Variants in ALK observed in about 807,000 individuals in gnomAD.
ALK encodes the protein ALK tyrosine kinase receptor.
ALK carries 74 observed loss-of-function variants against 163.1 expected under a neutral mutation model. The ratio of observed to expected loss-of-function variants is 0.45; its 90% confidence interval spans 0.38 to 0.55. ALK has a LOEUF of 0.55. Among genes scored for constraint, ALK ranks in the 20% least tolerant of loss-of-function variants. The pLI, the probability that ALK is intolerant of heterozygous loss-of-function variation, is 0.00. For synonymous variants in ALK, 960 were observed against 843.2 expected, an observed-to-expected ratio of 1.14 and a Z score of -2.40; for missense variants, 2,063 against 2,105.3, an observed-to-expected ratio of 0.98 and a Z score of 0.39.
rs1423474094 is a variant in ALK at position 29,193,356 on chromosome 2, G to A, written c.4731C>T (p.Phe1577=). 1 of 1,614,202 alleles carries A rather than the reference G, an allele frequency of 6.2e-7. No homozygotes were observed. The highest frequency in any genetic ancestry group is 1.3e-5 in the African/African-American group (1 of 75,058). The change falls in exon 29 of 29, where the codon TTC becomes TTT. Residue 1577 remains phenylalanine, a synonymous_variant. Transcript: ENST00000389048. ...AGCCGTAATTGACATTCCCACAAGG[G>A]AAGTGACGTAGCCTGAACAGAGGTA... ...KEVPLFRLRH[F]PCGNVNYGYQ...
chr2:29,297,081 G>A (rs2148231334), intron 8 of ALK, 24 bp from the exon 9 acceptor site: 1 of 1,614,098 alleles, frequency 6.2e-7, no homozygotes. Context: ...AAGAGTCAGA[G>A]GACAAGGTAT....
intron 1 of ALK, among the ~76,000 whole-genome samples, chr2:29,861,941 G>A (rs1334326837): frequency 6.6e-6 from 1 of 152,128 alleles, no homozygotes; most frequent in Admixed American, 6.5e-5. Context: ...GATCAAGTGG[G>A]ATTAATCCCT....
chr2:29,230,801 G>C (rs532261013), intron 15 of ALK, among the ~76,000 whole-genome samples: 1 of 152,308 alleles, frequency 6.6e-6, no homozygotes, highest in African/African-American at 2.4e-5. Flanking sequence ...ATGTGGCAGA[G>C]AGAAGGCCCC....
chr2:29,432,299 C>T (rs1447465046), intron 4 of ALK, among the ~76,000 whole-genome samples: 3 of 151,966 alleles, frequency 2.0e-5, no homozygotes, highest in Admixed American at 6.6e-5. Context: ...TTTATTAGTT[C>T]CCATGAGATC....
At chr2:29,749,800 G>T (rs1680306178) in intron 1 of ALK, among the ~76,000 whole-genome samples, 1 of 152,198 alleles carries the variant, frequency 6.6e-6, no homozygotes, top group Non-Finnish European at 1.5e-5. Context: ...CTTGTTCATT[G>T]AGATCTTCCC....
intron 4 of ALK, among the ~76,000 whole-genome samples, chr2:29,505,877 T>C (rs536166720): frequency 1.5e-4 from 23 of 151,012 alleles, no homozygotes; most frequent in African/African-American, 4.6e-4. Flanking sequence ...TGAATGAATA[T>C]AGAAGAAAAC....
intron 1 of ALK, among the ~76,000 whole-genome samples, chr2:29,861,123 A>T (rs901984183): frequency 5.3e-5 from 8 of 152,140 alleles, no homozygotes; most frequent in Non-Finnish European, 1.2e-4. Flanking sequence ...AGTGAGTTGT[A>T]ATTGTACCAT....
At chr2:29,387,151 T>C (rs1669050780) in intron 4 of ALK, among the ~76,000 whole-genome samples, 1 of 152,156 alleles carries the variant, frequency 6.6e-6, no homozygotes, top group South Asian at 2.1e-4. Context: ...CTTTAGGAAG[T>C]CAGGGGACTG....
chr2:29,300,439 C>T (rs1666335642), intron 8 of ALK, among the ~76,000 whole-genome samples: 1 of 151,490 alleles, frequency 6.6e-6, no homozygotes. Context: ...GTCCCAGCTA[C>T]TCAGGAGGCT....
chr2:29,805,692 C>G (rs1293727457), intron 1 of ALK, among the ~76,000 whole-genome samples: 1 of 152,176 alleles, frequency 6.6e-6, no homozygotes, highest in African/African-American at 2.4e-5. Flanking sequence ...TTTATGGCTG[C>G]ATAGTATTCC....
chr2:29,843,080 G>A (rs1256204102), intron 1 of ALK, among the ~76,000 whole-genome samples: 1 of 152,136 alleles, frequency 6.6e-6, no homozygotes, highest in Admixed American at 6.6e-5. Flanking sequence ...GAGTGAGCAG[G>A]TAAGGGTGAT....
intron 3 of ALK, among the ~76,000 whole-genome samples, chr2:29,559,988 G>T (rs1673976336): frequency 6.6e-6 from 1 of 152,088 alleles, no homozygotes; most frequent in African/African-American, 2.4e-5. Context: ...GAAGCCTTGG[G>T]TTTTTTAAAA....
chr2:29,574,935 C>T (rs1341990776), intron 3 of ALK, among the ~76,000 whole-genome samples: 2 of 152,164 alleles, frequency 1.3e-5, no homozygotes, highest in Non-Finnish European at 2.9e-5. Context: ...CATGTGAAAC[C>T]AGGTGTTACA....
At chr2:29,405,893 G>C (rs1669569488) in intron 4 of ALK, among the ~76,000 whole-genome samples, 1 of 152,148 alleles carries the variant, frequency 6.6e-6, no homozygotes, top group Non-Finnish European at 1.5e-5. Flanking sequence ...ATTTCGGCTG[G>C]TTTAGATCTT....
intron 1 of ALK, among the ~76,000 whole-genome samples, chr2:29,851,502 A>G (rs1023160704): frequency 1.3e-5 from 2 of 152,090 alleles, no homozygotes; most frequent in African/African-American, 4.8e-5. Context: ...TATTAAAGTC[A>G]TTTTCTCAGG....
At chr2:29,462,725 C>T (rs1671116129) in intron 4 of ALK, among the ~76,000 whole-genome samples, 1 of 152,046 alleles carries the variant, frequency 6.6e-6, no homozygotes, top group Non-Finnish European at 1.5e-5. Context: ...TATGCCTGTA[C>T]CATACTGAGA....
chr2:29,878,984 C>T (rs1339077661), intron 1 of ALK, among the ~76,000 whole-genome samples: 2 of 152,134 alleles, frequency 1.3e-5, no homozygotes, highest in African/African-American at 4.8e-5. Context: ...AGAAAACCCA[C>T]ACAGTATGCA....
intron 4 of ALK, among the ~76,000 whole-genome samples, chr2:29,522,833 A>G (rs1558365526): frequency 6.6e-6 from 1 of 152,182 alleles, no homozygotes; most frequent in Non-Finnish European, 1.5e-5. Context: ...AAATAGTTGT[A>G]TGCACAGATT....
intron 11 of ALK, among the ~76,000 whole-genome samples, chr2:29,273,568 G>A (rs1665450793): frequency 6.6e-6 from 1 of 152,202 alleles, no homozygotes; most frequent in Admixed American, 6.5e-5. Context: ...CAGGGTGGAT[G>A]GCTGTTTCCT....
Sources: allele counts gnomAD v4.1 joint callset (sites outside exome capture counted in the v4.1 genomes callset), GRCh38; gene constraint gnomAD v4.1.1; transcripts MANE v1.5; gene names NCBI Gene and HGNC (gene_info 2026-07-23, HGNC 2026-07-21).